The following CNTNAP2 variants were observed in gnomAD, a reference collection of about 807,000 sequenced individuals.
The protein encoded by CNTNAP2 is contactin-associated protein-like 2.
Under a neutral mutation model 155.2 loss-of-function variants are expected in CNTNAP2, and 98 were observed. The observed-to-expected ratio is 0.63, with a 90% confidence interval of 0.54 to 0.75. The LOEUF is 0.75. Ranked by LOEUF, CNTNAP2 falls within the 30% of genes least tolerant of loss-of-function variation. CNTNAP2 has a pLI of 0.00. For synonymous variants in CNTNAP2, 651 were observed against 631.2 expected, an observed-to-expected ratio of 1.03 and a Z score of -0.47; for missense variants, 1,727 against 1,688.1, an observed-to-expected ratio of 1.02 and a Z score of -0.40.
chr7:147,509,483 G>A (rs544431368), intron 11 of CNTNAP2, among the ~76,000 whole-genome samples: 81 of 152,178 alleles, frequency 5.3e-4, no homozygotes, highest in African/African-American at 1.9e-3. Context: ...AGCTGGACTT[G>A]GGTTAAACTT....
chr7:147,293,676 A>G (rs1478641405), intron 8 of CNTNAP2, among the ~76,000 whole-genome samples: 1 of 152,118 alleles, frequency 6.6e-6, no homozygotes, highest in African/African-American at 2.4e-5. Context: ...TTCTTTTTTC[A>G]ACATTCATTA....
chr7:148,173,813 G>A (rs1794879063), intron 18 of CNTNAP2, among the ~76,000 whole-genome samples: 1 of 152,234 alleles, frequency 6.6e-6, no homozygotes, highest in African/African-American at 2.4e-5. Context: ...ATTTAATGCA[G>A]TCATTTCCTT....
At chr7:147,291,973 G>A (rs565893165) in intron 8 of CNTNAP2, among the ~76,000 whole-genome samples, 18 of 152,174 alleles carry the variant, frequency 1.2e-4, no homozygotes, top group African/African-American at 4.3e-4. Flanking sequence ...GGAGCTCTTA[G>A]TATATTTTAG....
chr7:147,923,351 T>C (rs562172039), intron 14 of CNTNAP2, among the ~76,000 whole-genome samples: 5 of 152,120 alleles, frequency 3.3e-5, no homozygotes, highest in East Asian at 3.9e-4. Context: ...GAGAATGCCA[T>C]GTGAAGACCC....
chr7:147,213,280 C>T (rs1803196915), intron 8 of CNTNAP2, among the ~76,000 whole-genome samples: 1 of 152,108 alleles, frequency 6.6e-6, no homozygotes, highest in African/African-American at 2.4e-5. Context: ...CTATCCAAAC[C>T]CTCAATGGAT....
At chr7:147,732,435 A>G (rs28878310) in intron 13 of CNTNAP2, among the ~76,000 whole-genome samples, 1,664 of 151,766 alleles carry the variant, frequency 0.011, 89 homozygotes, top group Admixed American at 0.087. Context: ...CCAGTCTATC[A>G]TTGTTGGACA....
At chr7:146,380,551 A>T (rs987453682) in intron 1 of CNTNAP2, among the ~76,000 whole-genome samples, 27 of 152,058 alleles carry the variant, frequency 1.8e-4, no homozygotes, top group African/African-American at 6.5e-4. Context: ...ATAGTAACTG[A>T]TCTTATCTTT....
At chr7:148,254,270 T>C (rs1796422274) in intron 20 of CNTNAP2, among the ~76,000 whole-genome samples, 1 of 152,170 alleles carries the variant, frequency 6.6e-6, no homozygotes, top group Admixed American at 6.5e-5. Context: ...AGTTTCATTT[T>C]ACTGAAGGCC....
chr7:148,415,284 A>T, intron 23 of CNTNAP2, 133 bp from the exon 24 acceptor site: 2 of 917,214 alleles, frequency 2.2e-6, no homozygotes, highest in South Asian at 1.4e-5. Flanking sequence ...CATTTTTGTT[A>T]TCTTTGTTGT....
intron 21 of CNTNAP2, among the ~76,000 whole-genome samples, chr7:148,328,282 G>A (rs1476426077): frequency 6.6e-6 from 1 of 152,138 alleles, no homozygotes; most frequent in Non-Finnish European, 1.5e-5. Context: ...GAAAGCTGGA[G>A]GAGGGCTGCC....
chr7:148,030,669 CTTT>C (rs34338936), intron 15 of CNTNAP2, among the ~76,000 whole-genome samples: 37,990 of 129,384 alleles, frequency 0.29, 5,761 homozygotes, highest in East Asian at 0.48. Flanking sequence ...TTATCCAGCT[CTTT>C]TTTTTTTTTT....
chr7:146,673,942 A>G (rs1800352632), intron 1 of CNTNAP2, among the ~76,000 whole-genome samples: 1 of 152,156 alleles, frequency 6.6e-6, no homozygotes, highest in African/African-American at 2.4e-5. Flanking sequence ...AGTGTGTCCT[A>G]CTTACATTCT....
intron 1 of CNTNAP2, among the ~76,000 whole-genome samples, chr7:146,358,225 G>C (rs1339457526): frequency 1.3e-5 from 2 of 151,892 alleles, no homozygotes; most frequent in African/African-American, 4.8e-5. Flanking sequence ...TAGTAGAGAC[G>C]GGGTTTCCCC....
At chr7:148,399,874 AACAC>A (rs35028464) in intron 22 of CNTNAP2, among the ~76,000 whole-genome samples, 25,325 of 151,868 alleles carry the variant, frequency 0.17, 2,376 homozygotes, top group East Asian at 0.3. Context: ...TTTAAATTAA[AACAC>A]ACACACACAC....
At chr7:146,361,816 A>G (rs1795087093) in intron 1 of CNTNAP2, among the ~76,000 whole-genome samples, 1 of 152,202 alleles carries the variant, frequency 6.6e-6, no homozygotes. Flanking sequence ...AAGACAGTAA[A>G]TAAATATGAA....
chr7:147,838,269 T>C (rs1798665145), intron 13 of CNTNAP2, among the ~76,000 whole-genome samples: 1 of 152,150 alleles, frequency 6.6e-6, no homozygotes. Context: ...GGGCCTGTGA[T>C]GGGAGGGACT....
intron 6 of CNTNAP2, among the ~76,000 whole-genome samples, chr7:147,127,036 T>C (rs1207593228): frequency 6.6e-6 from 1 of 152,180 alleles, no homozygotes; most frequent in Non-Finnish European, 1.5e-5. Flanking sequence ...ATGTATTTAA[T>C]AATATTAAAC....
chr7:147,808,710 G>T (rs1798132121), intron 13 of CNTNAP2, among the ~76,000 whole-genome samples: 1 of 152,160 alleles, frequency 6.6e-6, no homozygotes, highest in African/African-American at 2.4e-5. Flanking sequence ...ATTCTAATGT[G>T]AAATTCCTTC....
At chr7:148,108,148 A>C (rs1233674109) in intron 15 of CNTNAP2, among the ~76,000 whole-genome samples, 1 of 152,144 alleles carries the variant, frequency 6.6e-6, no homozygotes, top group African/African-American at 2.4e-5. Context: ...TCTACTTCTC[A>C]TCACCTGTCT....
Sources: allele counts gnomAD v4.1 joint callset (sites outside exome capture counted in the v4.1 genomes callset), GRCh38; gene constraint gnomAD v4.1.1; transcripts MANE v1.5; gene names NCBI Gene and HGNC (gene_info 2026-07-23, HGNC 2026-07-21).